Variants in DMD observed in about 807,000 individuals in gnomAD.
DMD encodes mutant dystrophin.
A neutral mutation model predicts 330.1 loss-of-function variants in DMD; 63 were observed. The observed-to-expected ratio is 0.19, with a 90% CI of 0.16 to 0.24. The LOEUF (loss-of-function observed/expected upper bound fraction) is 0.24. DMD is among the 10% of genes least tolerant of loss of function. DMD has a pLI of 1.00. For synonymous variants in DMD, 1,223 were observed against 959.8 expected, an observed-to-expected ratio of 1.27 and a Z score of -5.07; for missense variants, 3,344 against 2,684.1, an observed-to-expected ratio of 1.25 and a Z score of -5.43.
chrX:32,328,371 C>T (rs182012787), intron 41 of DMD, among the ~76,000 whole-genome samples: 2 of 111,644 alleles, frequency 1.8e-5, no homozygotes, highest in East Asian at 2.8e-4. Context: ...TAAGTGTTAA[C>T]GTTGAACAAT....
chrX:31,713,782 A>G (rs62589482), intron 52 of DMD, among the ~76,000 whole-genome samples: 17,275 of 111,347 alleles, frequency 0.16, 1,183 homozygotes, highest in Admixed American at 0.32. Flanking sequence ...GGAACACCAC[A>G]TAATTCCTAG....
At chrX:31,338,542 C>A (rs2057537619) in intron 61 of DMD, among the ~76,000 whole-genome samples, 1 of 110,487 alleles carries the variant, frequency 9.1e-6, no homozygotes, top group African/African-American at 3.3e-5. Flanking sequence ...CCTGTGGGAT[C>A]AAGCTGAAGT....
Position 31,627,775 on chromosome X carries a change from A to G in DMD, c.8115T>C (p.Leu2705=). 8.3e-7 allele frequency: 1 copy of G among 1,210,967 alleles called. No homozygotes were observed. Among genetic ancestry groups the G allele is most frequent in the Non-Finnish European group, 1.1e-6 (1 of 895,134 alleles). ...PLDLEKFLAW[L]TEAETTANVL... ...CATTGGCAGTTGTTTCAGCTTCTGT[A>G]AGCCAGGCAAGAAACTTTTCCAGGT... The change falls in exon 55 of 79, where the codon CTT becomes CTC. Residue 2705 remains leucine (L), a synonymous_variant. Coordinates refer to ENST00000357033, the MANE Select transcript of DMD (RefSeq NM_004006.3).
chrX:33,331,102 G>C (rs185797221), intron 1 of DMD, among the ~76,000 whole-genome samples: 1 of 112,315 alleles, frequency 8.9e-6, no homozygotes, highest in African/African-American at 3.2e-5. Context: ...TTTGTTGGAT[G>C]AATGAAAAGC....
intron 2 of DMD, among the ~76,000 whole-genome samples, chrX:32,878,398 G>A (rs927790207): frequency 9.0e-6 from 1 of 111,172 alleles, no homozygotes; most frequent in Non-Finnish European, 1.9e-5. Context: ...AAAATAATAT[G>A]GTGTTAAACT....
chrX:31,261,357 T>G (rs1474726471), intron 62 of DMD: 1 of 237,038 alleles, frequency 4.2e-6, no homozygotes, highest in African/African-American at 2.8e-5. Flanking sequence ...CCATCCAATG[T>G]GGAACACTAC....
At chrX:32,699,846 A>C (rs2063954184) in intron 7 of DMD, among the ~76,000 whole-genome samples, 1 of 111,787 alleles carries the variant, frequency 8.9e-6, no homozygotes, top group South Asian at 3.7e-4. Flanking sequence ...ATACCATATA[A>C]TGATTTTTAC....
chrX:31,810,238 A>C (rs10482301), intron 50 of DMD, among the ~76,000 whole-genome samples: 6,015 of 110,975 alleles, frequency 0.054, 142 homozygotes, highest in South Asian at 0.095. Flanking sequence ...CAACAGAAAA[A>C]TAGTATGGAA....
intron 2 of DMD, among the ~76,000 whole-genome samples, chrX:33,006,809 T>C (rs1222767252): frequency 1.8e-5 from 2 of 111,467 alleles, no homozygotes; most frequent in Non-Finnish European, 3.8e-5. Flanking sequence ...TCAATGATTT[T>C]CCATGGGAAA....
At chrX:32,722,922 A>T (rs1603270868) in intron 7 of DMD, among the ~76,000 whole-genome samples, 1 of 107,026 alleles carries the variant, frequency 9.3e-6, no homozygotes, top group South Asian at 3.8e-4. Context: ...GCCTTTTATT[A>T]ATTTTGTCTC....
chrX:31,205,308 T>C (rs150273101), intron 66 of DMD, among the ~76,000 whole-genome samples: 2,893 of 112,016 alleles, frequency 0.026, 106 homozygotes, highest in African/African-American at 0.089. Flanking sequence ...AAAATTGAGA[T>C]TGTACGCACA....
At position 32,683,933 on chromosome X, in the gene DMD, T is replaced by A. The variant is rs760024585; in HGVS notation, c.960+13937A>T. Reference sequence around the variant, plus strand: ...TTAAGACGGTAAAAATAGTAAGTTGTTAAATTTCCAATGAAAAAAATTGCA... The same window carrying A: ...TTAAGACGGTAAAAATAGTAAGTTGATAAATTTCCAATGAAAAAAATTGCA... On this transcript the variant is annotated intron_variant, in intron 9 of 78. Transcript: ENST00000357033. Among the ~76,000 whole-genome samples, 4 of 109,201 alleles carry A rather than the reference T, an allele frequency of 3.7e-5. No homozygotes were observed. The South Asian group carries it at 1.6e-3, about 44-fold the overall frequency. 94.8% of individuals were successfully genotyped at this position (109,201 alleles called of 115,157 possible). A position where few individuals can be genotyped will look rare whatever the true frequency, so the allele number is the denominator to read the frequency against.
chrX:31,828,447 C>G (rs761253826), intron 49 of DMD, among the ~76,000 whole-genome samples: 1 of 110,615 alleles, frequency 9.0e-6, no homozygotes, highest in African/African-American at 3.3e-5. Context: ...AGGTGGATCA[C>G]TAGGTCAGGA....
At chrX:31,519,335 C>G (rs2072537779) in intron 55 of DMD, among the ~76,000 whole-genome samples, 1 of 112,078 alleles carries the variant, frequency 8.9e-6, no homozygotes, top group African/African-American at 3.2e-5. Flanking sequence ...TAGAAAAAAG[C>G]AATTAGTTGA....
At chrX:31,837,865 G>A (rs745962912) in intron 48 of DMD, among the ~76,000 whole-genome samples, 3 of 112,428 alleles carry the variant, frequency 2.7e-5, no homozygotes, top group Admixed American at 9.4e-5. Flanking sequence ...ATGCTCTTGA[G>A]ATAGACTATT....
In DMD at chrX:32,882,146, G is replaced by A. The variant is rs569473225; in HGVS notation, c.94-32326C>T. The stretch of plus-strand genomic sequence containing the variant: ...CTGGCTGGCAGAGGTCCGGGCCTCA[G>A]TCCCATTGGGCCCTTCCTGCTATCC... On this transcript the variant is annotated intron_variant, in intron 2 of 78. Coordinates refer to ENST00000357033, the MANE Select transcript of DMD (RefSeq NM_004006.3). Among the ~76,000 whole-genome samples the A allele has an allele frequency of 2.7e-5, 3 of 111,998 alleles. No individual in the cohort carries two copies. In the South Asian group the frequency reaches 1.1e-3, roughly 43 times the overall value.
chrX:32,331,852 T>G (rs1023832017), intron 41 of DMD, among the ~76,000 whole-genome samples: 2 of 111,827 alleles, frequency 1.8e-5, no homozygotes, highest in Non-Finnish European at 3.8e-5. Context: ...TTGCTTAAAC[T>G]TACAAGAATA....
At chrX:32,196,760 C>T (rs982328257) in intron 44 of DMD, among the ~76,000 whole-genome samples, 4 of 110,083 alleles carry the variant, frequency 3.6e-5, no homozygotes, top group Non-Finnish European at 7.6e-5. Flanking sequence ...CCAAGGTGGG[C>T]AGATCACGAG....
chrX:32,216,652 CCT>C (rs762118932), intron 44 of DMD, among the ~76,000 whole-genome samples: 255 of 111,527 alleles, frequency 2.3e-3, no homozygotes, highest in African/African-American at 7.9e-3. Flanking sequence ...ACGATGCTTC[CCT>C]CTGTCACAGA....
Sources: gnomAD v4.1 joint callset for allele counts (sites outside exome capture counted in the v4.1 genomes callset) on GRCh38, gnomAD v4.1.1 for gene constraint, MANE v1.5 for transcripts, NCBI Gene and HGNC (gene_info 2026-07-23, HGNC 2026-07-21) for gene names.